The following PALM2AKAP2 variants were observed in gnomAD, a reference collection of about 807,000 sequenced individuals.
PALM2AKAP2 encodes PALM2 and AKAP2 fusion, also known as PALM2-AKAP2 fusion protein.
In PALM2AKAP2, 37 loss-of-function variants were observed where a neutral mutation model predicts 71.5. That is an observed-to-expected ratio of 0.52 (90% confidence interval 0.40 to 0.68). The LOEUF is 0.68. Among genes scored for constraint, PALM2AKAP2 ranks in the 30% least tolerant of loss-of-function variants. The pLI, the probability that PALM2AKAP2 is intolerant of heterozygous loss-of-function variation, is 0.00. For missense variants in PALM2AKAP2, 1,224 were observed against 1,191.8 expected (o/e 1.03, Z -0.40); for synonymous variants, 468 against 478.8 (o/e 0.98, Z 0.29).
At chr9:110,098,910 A>G (rs771471367) in intron 1 of PALM2AKAP2, among the ~76,000 whole-genome samples, 5 of 152,178 alleles carry the variant, frequency 3.3e-5, no homozygotes, top group Non-Finnish European at 7.4e-5. Context: ...GCAGGCCAAC[A>G]TTTCCACCCC....
At chr9:110,037,747 G>A (rs1388207554) in intron 7 of PALM2AKAP2, among the ~76,000 whole-genome samples, 5 of 152,184 alleles carry the variant, frequency 3.3e-5, no homozygotes, top group African/African-American at 1.2e-4. Flanking sequence ...TCTTTAACAA[G>A]GTAGGCAAGA....
rs143986699 is a variant in PALM2AKAP2, at chr9:110,149,970, A to T, written c.2570-6349A>T. ...GAGGATTGAGACCAGCCTGGTCTCA[A>T]TTGAGACCCCTGTCCCGCAAATTCG... On this transcript the variant is annotated intron_variant, in intron 2 of 3. Coordinates refer to ENST00000374525, the Ensembl canonical transcript of PALM2AKAP2. Among the ~76,000 whole-genome samples the T allele has an allele frequency of 1.8e-3, 281 of 152,338 alleles. 3 individuals carry two copies. Among genetic ancestry groups the T allele is most frequent in the African/African-American group, 6.6e-3 (276 of 41,578 alleles).
At chr9:110,119,057 A>G (rs1163276730) in intron 1 of PALM2AKAP2, among the ~76,000 whole-genome samples, 2 of 151,894 alleles carry the variant, frequency 1.3e-5, no homozygotes, top group African/African-American at 4.8e-5. Context: ...TTTAATGAAA[A>G]CATCAGGCCA....
upstream of PALM2AKAP2, among the ~76,000 whole-genome samples, chr9:110,046,135 T>C (rs752262519): frequency 2.0e-5 from 3 of 152,214 alleles, no homozygotes; most frequent in Non-Finnish European, 4.4e-5. Context: ...GAGAAAATGT[T>C]AATTAAAAAC....
At chr9:109,923,784 G>T in exon 4 of PALM2AKAP2, 1 of 1,605,850 alleles carries the variant, frequency 6.2e-7, no homozygotes, top group Non-Finnish European at 8.5e-7. Flanking sequence ...CCAGATATCT[G>T]CCAAAGAGCA....
At chr9:110,119,355 AAAAAAG>A (rs1333199054) in intron 1 of PALM2AKAP2, among the ~76,000 whole-genome samples, 2 of 151,772 alleles carry the variant, frequency 1.3e-5, no homozygotes, top group Admixed American at 6.6e-5. Context: ...AAAAAAAAAA[AAAAAAG>A]AAAAGAAAAA....
intron 6 of PALM2AKAP2, among the ~76,000 whole-genome samples, chr9:110,007,085 G>A (rs754152260): frequency 1.8e-4 from 27 of 152,116 alleles, no homozygotes; most frequent in Admixed American, 1.3e-4. Flanking sequence ...CTTAAAAAGG[G>A]AGGAGAGGAG....
intron 1 of PALM2AKAP2, among the ~76,000 whole-genome samples, chr9:109,833,205 ATT>A (rs1828359097): frequency 6.6e-6 from 1 of 152,036 alleles, no homozygotes; most frequent in African/African-American, 2.4e-5. Context: ...AAATACAAAA[ATT>A]ATCTGGGTGT....
chr9:109,933,366 A>G (rs56008118), intron 6 of PALM2AKAP2, among the ~76,000 whole-genome samples: 4,407 of 152,330 alleles, frequency 0.029, 110 homozygotes, highest in Non-Finnish European at 0.046. Context: ...TATTAGAGAC[A>G]TGGGTGTTGA....
chr9:109,844,931 A>ATGTGTGTGTGTGTGTGTGTGTG lies in PALM2AKAP2; in HGVS notation c.46-22553_46-22532dup, dbSNP rs71373945. Among the ~76,000 whole-genome samples the ATGTGTGTGTGTGTGTGTGTGTG allele has an allele frequency of 1.3e-3, 196 of 149,408 alleles. 2 individuals carry two copies. The highest frequency in any genetic ancestry group is 2.6e-3 in the East Asian group (13 of 4,956). On this transcript the variant is annotated intron_variant, in intron 1 of 9. Transcript: ENST00000302798. Reference sequence around the variant, plus strand: ...CCCCCATAACAAATGCCAGAAAATGATGTGTGTGTGTGTGTGTGTGTGTGT... The same window carrying ATGTGTGTGTGTGTGTGTGTGTG: ...CCCCCATAACAAATGCCAGAAAATGATGTGTGTGTGTGTGTGTGTGTGTGTGTGTGTGTGTGTGTGTGTGTGT...
chr9:109,854,834 A>AATCTCGGC (rs1388376691), intron 1 of PALM2AKAP2, among the ~76,000 whole-genome samples: 1 of 136,260 alleles, frequency 7.3e-6, no homozygotes, highest in African/African-American at 2.8e-5. Context: ...GCAGTGGCAC[A>AATCTCGGC]ATCTCGGCTC....
At chr9:109,895,848 A>G (rs970356534) in intron 3 of PALM2AKAP2, among the ~76,000 whole-genome samples, 3 of 152,166 alleles carry the variant, frequency 2.0e-5, no homozygotes, top group African/African-American at 7.2e-5. Context: ...GGGGAAGCAA[A>G]CACATCCTTC....
chr9:109,774,588 C>A (rs557579047), intron 1 of PALM2AKAP2, among the ~76,000 whole-genome samples: 87 of 151,824 alleles, frequency 5.7e-4, no homozygotes, highest in Non-Finnish European at 1.0e-3. Flanking sequence ...AGGGCAGAAT[C>A]CTCTTGTTTA....
intron 6 of PALM2AKAP2, among the ~76,000 whole-genome samples, chr9:110,005,854 C>A (rs961145050): frequency 2.0e-5 from 3 of 152,170 alleles, no homozygotes; most frequent in African/African-American, 2.4e-5. Context: ...CCTGGTGTGC[C>A]GTTTGCTAAG....
chr9:110,110,950 G>T (rs1391717149), intron 1 of PALM2AKAP2, among the ~76,000 whole-genome samples: 2 of 152,094 alleles, frequency 1.3e-5, no homozygotes, highest in Admixed American at 6.6e-5. Context: ...GTTTTAAACA[G>T]CTCTTCTCTC....
intron 1 of PALM2AKAP2, among the ~76,000 whole-genome samples, chr9:109,830,360 G>A (rs1469094834): frequency 1.3e-5 from 2 of 152,164 alleles, no homozygotes; most frequent in African/African-American, 4.8e-5. Context: ...TGTTTTGTAT[G>A]TGCCTAGGGG....
At chr9:109,936,070 G>GT (rs376724661) in intron 6 of PALM2AKAP2, among the ~76,000 whole-genome samples, 2 of 151,746 alleles carry the variant, frequency 1.3e-5, no homozygotes, top group South Asian at 4.1e-4. Context: ...TTTGATCACT[G>GT]TTTTTTTTGG....
chr9:110,102,432 C>T (rs566679317), intron 1 of PALM2AKAP2, among the ~76,000 whole-genome samples: 7 of 152,214 alleles, frequency 4.6e-5, no homozygotes, highest in Admixed American at 3.9e-4. Context: ...TGTTGTTGAC[C>T]TTGTATGTTT....
At chr9:110,104,913 C>A (rs1835079592) in intron 1 of PALM2AKAP2, among the ~76,000 whole-genome samples, 1 of 152,188 alleles carries the variant, frequency 6.6e-6, no homozygotes, top group Non-Finnish European at 1.5e-5. Context: ...TCATATGCAT[C>A]CAGAGACTAC....
Sources: gnomAD v4.1 joint callset for allele counts (sites outside exome capture counted in the v4.1 genomes callset) on GRCh38, gnomAD v4.1.1 for gene constraint, MANE v1.5 for transcripts, NCBI Gene and HGNC (gene_info 2026-07-23, HGNC 2026-07-21) for gene names.